The following ZNF696 variants were observed in gnomAD, a reference collection of about 807,000 sequenced individuals.
ZNF696 encodes the protein zinc finger protein 696.
Under a neutral mutation model 12.3 loss-of-function variants are expected in ZNF696, and 10 were observed. The observed-to-expected ratio is 0.81, with a 90% CI of 0.50 to 1.38. The LOEUF (loss-of-function observed/expected upper bound fraction) is 1.38, where lower values mean the gene tolerates loss of function less well. ZNF696 is among the 40% of genes most tolerant of loss of function. The probability of loss-of-function intolerance (pLI) is 0.00; values close to 1 mark genes in which losing one functional copy is unlikely to be tolerated. For synonymous variants in ZNF696, 304 were observed against 243.9 expected, an observed-to-expected ratio of 1.25 and a Z score of -2.29; for missense variants, 675 against 554.7, an observed-to-expected ratio of 1.22 and a Z score of -2.18.
intron 2 of ZNF696, among the ~76,000 whole-genome samples, chr8:143,294,772 A>G (rs1250372412): frequency 2.6e-5 from 4 of 152,024 alleles, no homozygotes. Context: ...GCGTTGTCTC[A>G]GGGAGTCCAA....
Position 143,297,041 on chromosome 8 carries a change from A to AG in ZNF696, c.*245dup. The AG allele has an allele frequency of 2.3e-6, 1 of 440,548 alleles. No homozygotes were observed. Among genetic ancestry groups the AG allele is most frequent in the East Asian group, 3.9e-5 (1 of 25,896 alleles). The allele number at this position is 440,548 out of a possible 1,614,324, so 27.3% of individuals were successfully genotyped here. The stretch of plus-strand genomic sequence containing the variant: ...CGATTCCCAGAGGCGGGGAGGTCTC[A>AG]GGGGTCTGTCCCGGGCCGGCCGCCC... On this transcript the variant is annotated 3_prime_UTR_variant, in exon 3 of 3. Coordinates refer to ENST00000330143, the MANE Select transcript of ZNF696 (RefSeq NM_030895.3).
chr8:143,292,695 C>T (rs931212782), intron 1 of ZNF696, among the ~76,000 whole-genome samples: 10 of 152,224 alleles, frequency 6.6e-5, no homozygotes, highest in South Asian at 2.1e-4. Context: ...GCTGTGGCCA[C>T]GCCCACCTGT....
Position 143,297,827 on chromosome 8 carries a change from A to C in ZNF696, c.*1027A>C, listed in dbSNP as rs1815746753. ...TTGTAGGACATCGCGTTGGTGTCTG[A>C]GAGGGAGTTGGAGAGCTGGTTGGTG... On this transcript the variant is annotated 3_prime_UTR_variant, in exon 3 of 3. Coordinates refer to ENST00000330143, the MANE Select transcript of ZNF696 (RefSeq NM_030895.3). 6.6e-6 allele frequency: 1 copy of C among 152,210 alleles called. No homozygotes were observed. Among genetic ancestry groups the C allele is most frequent in the South Asian group, 2.1e-4 (1 of 4,834 alleles). The allele number at this position is 152,210 out of a possible 1,614,324, so 9.4% of individuals were successfully genotyped here.
rs770170146 is a variant in ZNF696 at position 143,296,628 on chromosome 8, A to T, written c.953A>T (p.Glu318Val). 39 of 1,585,802 alleles carry T rather than the reference A, an allele frequency of 2.5e-5. No individual in the cohort carries two copies. The Admixed American group carries it at 2.9e-4, about 12-fold the overall frequency. ...LREHRRIHTG[E>V]KPHQCGHCGR... is the part of the protein sequence containing the mutation. ...GAGCACCGCCGCATCCACACCGGGG[A>T]GAAGCCCCACCAGTGCGGCCACTGC... The change falls in exon 3 of 3, where the codon GAG (glutamate) becomes GTG (valine). Residue 318 changes from glutamate (E) to valine (V), a missense_variant. Transcript: ENST00000330143.
rs577288915 is a variant in ZNF696 at position 143,297,210 on chromosome 8, G to A, written c.*410G>A. 3.5e-5 allele frequency: 6 copies of A among 173,246 alleles called. No homozygotes were observed. The highest frequency in any genetic ancestry group is 3.9e-4 in the South Asian group (2 of 5,136). The allele number at this position is 173,246 out of a possible 1,614,324, so 10.7% of individuals were successfully genotyped here. A position where few individuals can be genotyped will look rare whatever the true frequency, so the allele number is the denominator to read the frequency against. On this transcript the variant is annotated 3_prime_UTR_variant, in exon 3 of 3. Coordinates refer to ENST00000330143, the MANE Select transcript of ZNF696 (RefSeq NM_030895.3). ...GGCTTCGGGTTGGTGAAGGCGGGGTGGGGGGGCAGTTAGGAAGGGGGCGCC... is the reference window on the plus strand; with the variant it reads ...GGCTTCGGGTTGGTGAAGGCGGGGTAGGGGGGCAGTTAGGAAGGGGGCGCC...
chr8:143,299,253 ATG>A lies in ZNF696; in HGVS notation c.*2455_*2456del, dbSNP rs1461933730. Among the ~76,000 whole-genome samples the A allele has an allele frequency of 1.3e-4, 20 of 152,232 alleles. No homozygotes were observed. In the East Asian group the frequency reaches 3.5e-3, roughly 26 times the overall value. On this transcript the variant is annotated 3_prime_UTR_variant, in exon 3 of 3. Coordinates refer to ENST00000330143, the MANE Select transcript of ZNF696 (RefSeq NM_030895.3). ...AATAAAATTATAAATATGAATACATATGTATATATAAAAGAATAGTGTCAACT... is the reference window on the plus strand; with the variant it reads ...AATAAAATTATAAATATGAATACATATATATATAAAAGAATAGTGTCAACT...
chr8:143,294,467 A>C (rs1586737149), intron 2 of ZNF696, among the ~76,000 whole-genome samples: 1 of 147,096 alleles, frequency 6.8e-6, no homozygotes, highest in East Asian at 2.0e-4. Context: ...TGCAATCTCC[A>C]CCTCCTGGAT....
Position 143,295,740 on chromosome 8 carries a change from C to T in ZNF696, c.65C>T (p.Ala22Val), listed in dbSNP as rs1563744471. The change falls in exon 3 of 3, where the codon GCT becomes GTT. Residue 22 changes from alanine to valine, a missense_variant and splice_region_variant. Physicochemically the swap from Ala to Val is moderately conservative, Grantham distance 64 (BLOSUM62 0). Transcript: ENST00000330143. ...ESSTLMESLA[A>V]VKAAFLAQAP... ...CGTTCCTGTCTGGCCTCTTTTTCAG[C>T]TGTGAAGGCTGCTTTCCTGGCGCAG... The T allele has an allele frequency of 6.3e-7, 1 of 1,585,924 alleles. No individual in the cohort carries two copies. Among genetic ancestry groups the T allele is most frequent in the African/African-American group, 1.3e-5 (1 of 74,130 alleles).
In ZNF696 at chr8:143,296,404, G is replaced by A; in HGVS notation, c.729G>A (p.Gly243=). Residue 243 remains glycine (G), a synonymous_variant, in exon 3 of 3, where the codon GGG becomes GGA. Coordinates refer to ENST00000330143, the MANE Select transcript of ZNF696 (RefSeq NM_030895.3). ...GGCTGTACGCGTGCGGCGAGTGCGG[G>A]AAGCGCTTCCTGCACAGCTCGAACG... ...GERLYACGEC[G]KRFLHSSNVV... 1.3e-6 allele frequency: 2 copies of A among 1,597,402 alleles called. No individual in the cohort carries two copies. The highest frequency in any genetic ancestry group is 2.2e-5 in the South Asian group (2 of 90,360).
At chr8:143,295,340 G>A (rs773488709) in intron 2 of ZNF696, 50 of 466,988 alleles carry the variant, frequency 1.1e-4, no homozygotes, top group African/African-American at 8.9e-4. Flanking sequence ...GTTTAGCCTC[G>A]TTTCTGTTTG....
rs1190563274 is a variant in ZNF696 at position 143,296,689 on chromosome 8, G to A, written c.1014G>A (p.Arg338=). Residue 338 remains arginine, a synonymous_variant, in exon 3 of 3, where the codon CGG becomes CGA. Transcript: ENST00000330143. ...RAFRALSGFF[R]HQRLHTGEKP... is the part of the protein sequence containing the mutation. ...TCCGGGCGCTGTCGGGCTTCTTCCGGCACCAGCGACTCCACACGGGCGAGA... is the reference window on the plus strand; with the variant it reads ...TCCGGGCGCTGTCGGGCTTCTTCCGACACCAGCGACTCCACACGGGCGAGA... The A allele has an allele frequency of 1.3e-6, 2 of 1,566,820 alleles. No homozygotes were observed. The highest frequency in any genetic ancestry group is 2.3e-5 in the East Asian group (1 of 42,892).
In ZNF696 at chr8:143,297,922, A is replaced by C. The variant is rs1815748125; in HGVS notation, c.*1122A>C. On this transcript the variant is annotated 3_prime_UTR_variant, in exon 3 of 3. Transcript: ENST00000330143. ...GGGTAGAGGAATCGTTTTCTCTTTGAGACTGTTATGAGTATGTACAAATGT... is the reference window on the plus strand; with the variant it reads ...GGGTAGAGGAATCGTTTTCTCTTTGCGACTGTTATGAGTATGTACAAATGT... 6.6e-6 allele frequency: 1 copy of C among 152,196 alleles called. No individual in the cohort carries two copies. Among genetic ancestry groups the C allele is most frequent in the African/African-American group, 2.4e-5 (1 of 41,434 alleles). 9.4% of individuals were successfully genotyped at this position (152,196 alleles called of 1,614,324 possible).
Position 143,296,407 on chromosome 8 carries a change from G to T in ZNF696, c.732G>T (p.Lys244Asn). The T allele has an allele frequency of 6.3e-7, 1 of 1,594,414 alleles. No homozygotes were observed. Among genetic ancestry groups the T allele is most frequent in the South Asian group, 1.1e-5 (1 of 90,262 alleles). The change falls in exon 3 of 3, where the codon AAG becomes AAT. Residue 244 changes from lysine (K) to asparagine (N), a missense_variant. Transcript: ENST00000330143. ...ERLYACGECG[K>N]RFLHSSNVVR... is the part of the protein sequence containing the mutation. ...TGTACGCGTGCGGCGAGTGCGGGAA[G>T]CGCTTCCTGCACAGCTCGAACGTGG...
Position 143,296,594 on chromosome 8 carries a change from T to C in ZNF696, c.919T>C (p.Phe307Leu), listed in dbSNP as rs566213035. 476 of 1,578,470 alleles carry C rather than the reference T, an allele frequency of 3.0e-4. No homozygotes were observed. The highest frequency in any genetic ancestry group is 3.8e-4 in the Non-Finnish European group (447 of 1,169,166). The change falls in exon 3 of 3, where the codon TTC becomes CTC. Residue 307 changes from phenylalanine to leucine, a missense_variant. Phe to Leu is a conservative substitution (Grantham distance 22, BLOSUM62 0). Transcript: ENST00000330143. ...CGGCCGCGCCTTCAGCCGCAGCTCCTTCCTCCGCGAGCACCGCCGCATCCA... is the reference window on the plus strand; with the variant it reads ...CGGCCGCGCCTTCAGCCGCAGCTCCCTCCTCCGCGAGCACCGCCGCATCCA... ...DCGRAFSRSS[F>L]LREHRRIHTG...
In ZNF696 at chr8:143,291,518, G is replaced by T; in HGVS notation, c.-280G>T. The T allele has an allele frequency of 1.0e-6, 1 of 984,502 alleles. No individual in the cohort carries two copies. The highest frequency in any genetic ancestry group is 1.2e-6 in the Non-Finnish European group (1 of 829,086). The allele number at this position is 984,502 out of a possible 1,614,324, so 61.0% of individuals were successfully genotyped here. A position where few individuals can be genotyped will look rare whatever the true frequency, so the allele number is the denominator to read the frequency against. On this transcript the variant is annotated 5_prime_UTR_variant, in exon 1 of 3. Coordinates refer to ENST00000330143, the MANE Select transcript of ZNF696 (RefSeq NM_030895.3). ...AGGGCGCGGCCGAGAGAACGGGGCG[G>T]TCACCGCCGCCGTGGCCCGCGCGTC...
chr8:143,293,645 T>C (rs11774206), intron 2 of ZNF696, among the ~76,000 whole-genome samples: 104,842 of 152,132 alleles, frequency 0.69, 37,676 homozygotes, highest in South Asian at 0.85. Context: ...AAGGCGTCCT[T>C]GGGGCCTGCA....
At chr8:143,294,962 A>G (rs1815683305) in intron 2 of ZNF696, among the ~76,000 whole-genome samples, 1 of 152,068 alleles carries the variant, frequency 6.6e-6, no homozygotes, top group Non-Finnish European at 1.5e-5. Context: ...GGTGGTGCTC[A>G]CCTGGAGGTG....
In ZNF696 at chr8:143,296,648, C is replaced by A. The variant is rs774563637; in HGVS notation, c.973C>A (p.His325Asn). ...CGGGGAGAAGCCCCACCAGTGCGGC[C>A]ACTGCGGGCGCGCGTTCCGGGCGCT... Reference protein sequence around the residue: ...HTGEKPHQCGHCGRAFRALSG... With the variant: ...HTGEKPHQCGNCGRAFRALSG... Residue 325 changes from histidine (H) to asparagine (N), a missense_variant, in exon 3 of 3, where the codon CAC becomes AAC. By Grantham distance (68) the His-to-Asn change is moderately conservative (BLOSUM62 1). Coordinates refer to ENST00000330143, the MANE Select transcript of ZNF696 (RefSeq NM_030895.3). The A allele has an allele frequency of 1.3e-6, 2 of 1,579,982 alleles. No individual in the cohort carries two copies. The highest frequency in any genetic ancestry group is 1.8e-5 in the Admixed American group (1 of 57,130).
In ZNF696 at chr8:143,296,826, C is replaced by G. The variant is rs773436156; in HGVS notation, c.*26C>G. The G allele has an allele frequency of 1.2e-5, 16 of 1,376,516 alleles. 1 individual carries two copies. In the East Asian group the frequency reaches 4.5e-4, roughly 39 times the overall value. 85.3% of individuals were successfully genotyped at this position (1,376,516 alleles called of 1,614,324 possible). On this transcript the variant is annotated 3_prime_UTR_variant, in exon 3 of 3. Transcript: ENST00000330143. ...GCCGGGGCTGCGGCGGAAGAGATGC[C>G]GGCGGCCTGGTGGGCGCGAGGCCGA...
Sources: gnomAD v4.1 joint callset for allele counts (sites outside exome capture counted in the v4.1 genomes callset) on GRCh38, gnomAD v4.1.1 for gene constraint, MANE v1.5 for transcripts, NCBI Gene and HGNC (gene_info 2026-07-23, HGNC 2026-07-21) for gene names.